Variants in ARHGAP6 observed in about 807,000 individuals in gnomAD.
ARHGAP6 encodes Rho GTPase activating protein 6, also known as rho GTPase-activating protein 6.
ARHGAP6 carries 16 observed loss-of-function variants against 55.7 expected under a neutral mutation model. That is an observed-to-expected ratio of 0.29 (90% confidence interval 0.19 to 0.44). ARHGAP6 has a LOEUF of 0.44. ARHGAP6 is among the 20% of genes least tolerant of loss of function. The pLI, the probability that ARHGAP6 is intolerant of heterozygous loss-of-function variation, is 1.00. For missense variants in ARHGAP6, 698 were observed against 808.9 expected (o/e 0.86, Z 1.66); for synonymous variants, 382 against 360.9 (o/e 1.06, Z -0.66).
rs1556011098 is a variant in ARHGAP6 at position 11,411,217 on chromosome X, A to ATATATATG, written c.589-156511_589-156510insCATATATA. 1.9e-4 allele frequency among the ~76,000 whole-genome samples: 16 copies of ATATATATG among 83,046 alleles called. No individual in the cohort carries two copies. The East Asian group carries it at 6.8e-3, about 36-fold the overall frequency. 72.1% of individuals were successfully genotyped at this position (83,046 alleles called of 115,157 possible). On this transcript the variant is annotated intron_variant, in intron 1 of 12. Transcript: ENST00000337414. The stretch of plus-strand genomic sequence containing the variant: ...TATATATATATATATATATATATAT[A>ATATATATG]TATATAAAATATACAAATATATATG...
intron 5 of ARHGAP6, among the ~76,000 whole-genome samples, chrX:11,183,561 C>A (rs2046348121): frequency 8.9e-6 from 1 of 112,002 alleles, no homozygotes; most frequent in South Asian, 3.7e-4. Flanking sequence ...CAGTCAACAT[C>A]CACATAAAGG....
chrX:11,219,132 G>C (rs1358468578), intron 2 of ARHGAP6, among the ~76,000 whole-genome samples: 1 of 94,112 alleles, frequency 1.1e-5, no homozygotes, highest in East Asian at 3.5e-4. Context: ...GTGAGAATAT[G>C]CGGTGTTTGG....
intron 1 of ARHGAP6, among the ~76,000 whole-genome samples, chrX:11,283,279 T>A (rs936239712): frequency 8.9e-6 from 1 of 111,933 alleles, no homozygotes; most frequent in Non-Finnish European, 1.9e-5. Flanking sequence ...GGAGAATAAC[T>A]ATAAGATAGG....
intron 6 of ARHGAP6, among the ~76,000 whole-genome samples, chrX:11,180,179 T>A (rs2046295576): frequency 9.0e-6 from 1 of 111,535 alleles, no homozygotes; most frequent in Admixed American, 9.5e-5. Context: ...ACTAGGTCTA[T>A]TATCACTTGC....
At chrX:11,458,414 A>G (rs56890632) in intron 1 of ARHGAP6, among the ~76,000 whole-genome samples, 9,048 of 111,723 alleles carry the variant, frequency 0.081, 381 homozygotes, top group East Asian at 0.18. Flanking sequence ...AAACACACAA[A>G]TTGCTTGTGG....
At chrX:11,355,426 C>T (rs779808105) in intron 1 of ARHGAP6, among the ~76,000 whole-genome samples, 1 of 112,367 alleles carries the variant, frequency 8.9e-6, no homozygotes, top group African/African-American at 3.2e-5. Flanking sequence ...ACTGAAGTTG[C>T]AAAGGCTGTG....
chrX:11,497,485 T>C (rs1390049962), intron 1 of ARHGAP6, among the ~76,000 whole-genome samples: 5 of 109,035 alleles, frequency 4.6e-5, no homozygotes, highest in Non-Finnish European at 9.5e-5. Context: ...GACCCCATGA[T>C]GGGATTAGTA....
At chrX:11,575,786 C>G (rs967951806) in intron 1 of ARHGAP6, among the ~76,000 whole-genome samples, 2 of 112,196 alleles carry the variant, frequency 1.8e-5, no homozygotes, top group African/African-American at 6.5e-5. Flanking sequence ...AAAAAGCTTA[C>G]TCTACTACAT....
At chrX:11,387,842 T>A (rs1405390326) in intron 1 of ARHGAP6, among the ~76,000 whole-genome samples, 1 of 111,385 alleles carries the variant, frequency 9.0e-6, no homozygotes, top group Non-Finnish European at 1.9e-5. Flanking sequence ...CTCAGAATGA[T>A]GGTTTCCAGC....
chrX:11,515,346 A>C (rs2050827596), intron 1 of ARHGAP6, among the ~76,000 whole-genome samples: 1 of 112,551 alleles, frequency 8.9e-6, no homozygotes, highest in Non-Finnish European at 1.9e-5. Context: ...TTTATCAAGA[A>C]GGAAAAGTTG....
chrX:11,449,076 G>A (rs184110686), intron 1 of ARHGAP6, among the ~76,000 whole-genome samples: 25 of 111,458 alleles, frequency 2.2e-4, no homozygotes, highest in African/African-American at 7.5e-4. Flanking sequence ...TATGAGAAGC[G>A]TATTCTTCAC....
intron 1 of ARHGAP6, among the ~76,000 whole-genome samples, chrX:11,498,064 GATTT>G (rs1201498358): frequency 9.0e-6 from 1 of 111,671 alleles, no homozygotes; most frequent in Non-Finnish European, 1.9e-5. Flanking sequence ...CAAAATTTGA[GATTT>G]ATCCATGTTG....
chrX:11,221,052 G>T (rs2046962651), intron 2 of ARHGAP6, among the ~76,000 whole-genome samples: 1 of 112,164 alleles, frequency 8.9e-6, no homozygotes, highest in Non-Finnish European at 1.9e-5. Flanking sequence ...TTACATAATG[G>T]TAAAGGGATC....
chrX:11,636,838 C>G (rs1349945138), intron 1 of ARHGAP6, among the ~76,000 whole-genome samples: 1 of 111,759 alleles, frequency 8.9e-6, no homozygotes. Context: ...CTTGTCATCA[C>G]AAGAGAAGCA....
chrX:11,366,751 T>A (rs761750569), intron 1 of ARHGAP6, among the ~76,000 whole-genome samples: 5 of 111,997 alleles, frequency 4.5e-5, no homozygotes, highest in Non-Finnish European at 7.5e-5. Flanking sequence ...GGCTAAGATG[T>A]TTTTCCCCTT....
chrX:11,197,726 T>C (rs2046559345), intron 2 of ARHGAP6, among the ~76,000 whole-genome samples: 1 of 112,427 alleles, frequency 8.9e-6, no homozygotes, highest in African/African-American at 3.2e-5. Flanking sequence ...TTTTACAGTC[T>C]AGTATTTGCA....
intron 1 of ARHGAP6, among the ~76,000 whole-genome samples, chrX:11,426,556 A>G (rs1440347316): frequency 9.0e-6 from 1 of 110,842 alleles, no homozygotes; most frequent in African/African-American, 3.3e-5. Context: ...AAATTAGCAG[A>G]TGACAGAACA....
At chrX:11,420,869 A>C (rs944281968) in intron 1 of ARHGAP6, among the ~76,000 whole-genome samples, 15 of 112,172 alleles carry the variant, frequency 1.3e-4, no homozygotes, top group Non-Finnish European at 2.8e-4. Flanking sequence ...CACGATTAAC[A>C]CATTTGTTAA....
At chrX:11,346,150 T>C (rs748091200) in intron 1 of ARHGAP6, among the ~76,000 whole-genome samples, 2 of 111,439 alleles carry the variant, frequency 1.8e-5, no homozygotes, top group African/African-American at 6.5e-5. Context: ...TACACTCCCC[T>C]GTAGACTGTG....
Sources: gnomAD v4.1 joint callset for allele counts (sites outside exome capture counted in the v4.1 genomes callset) on GRCh38, gnomAD v4.1.1 for gene constraint, MANE v1.5 for transcripts, NCBI Gene and HGNC (gene_info 2026-07-23, HGNC 2026-07-21) for gene names.